The following TRANK1 variants were observed in gnomAD, a reference collection of about 807,000 sequenced individuals.
The protein encoded by TRANK1 is TPR and ankyrin repeat-containing protein 1.
TRANK1 carries 198 observed loss-of-function variants against 266.0 expected under a neutral mutation model. The ratio of observed to expected loss-of-function variants is 0.74; its 90% CI spans 0.66 to 0.84. TRANK1 has a LOEUF of 0.84. Among genes scored for constraint, TRANK1 ranks in the 40% least tolerant of loss-of-function variants. The pLI is 0.00. For synonymous variants in TRANK1, 1,396 were observed against 1,384.1 expected, an observed-to-expected ratio of 1.01 and a Z score of -0.19; for missense variants, 3,326 against 3,634.6, an observed-to-expected ratio of 0.92 and a Z score of 2.18.
rs373650699 is a variant in TRANK1, at chr3:36,830,894, T to C, written c.8689A>G (p.Arg2897Gly). Residue 2897 changes from arginine to glycine, a missense_variant, in exon 22 of 24, where the codon AGG becomes GGG. Arg to Gly is a moderately radical substitution (Grantham distance 125). Transcript: ENST00000645898. ...TTACCGCCAGCCCAGGCCTTCCGCC[T>C]GTAGAGGTCCTCCACCATATCCGAA... ...RVSDMVEDLYRRKAWAGAEEA... is the reference protein window; with the variant it reads ...RVSDMVEDLYGRKAWAGAEEA... 7 of 1,609,616 alleles carry C rather than the reference T, an allele frequency of 4.3e-6. No individual in the cohort carries two copies. The highest frequency in any genetic ancestry group is 4.0e-5 in the African/African-American group (3 of 74,842).
chr3:36,938,918 C>T (rs1279303396), intron 1 of TRANK1, among the ~76,000 whole-genome samples: 1 of 151,832 alleles, frequency 6.6e-6, no homozygotes, highest in African/African-American at 2.4e-5. Context: ...CTAGATCGTG[C>T]CACCAAACTC....
intron 1 of TRANK1, among the ~76,000 whole-genome samples, chr3:36,943,197 G>T (rs541576836): frequency 5.3e-5 from 8 of 151,834 alleles, no homozygotes; most frequent in Admixed American, 2.6e-4. Context: ...CTCTGGTGGG[G>T]GGTGGGGGGA....
At chr3:36,886,129 G>GTTTTTTT (rs10563870) in intron 8 of TRANK1, among the ~76,000 whole-genome samples, 14 of 100,962 alleles carry the variant, frequency 1.4e-4, no homozygotes, top group Non-Finnish European at 2.6e-4. Flanking sequence ...TGTTGTTGTT[G>GTTTTTTT]TTTTTTTTTT....
chr3:36,935,081 AG>A (rs1387425523), intron 1 of TRANK1, among the ~76,000 whole-genome samples: 5 of 152,194 alleles, frequency 3.3e-5, no homozygotes. Context: ...AAGATCACCC[AG>A]GCCCCCAACC....
rs147343324 is a variant in TRANK1 at position 36,862,884 on chromosome 3, G to A, written c.1240+1435C>T. 2.1e-4 allele frequency among the ~76,000 whole-genome samples: 32 copies of A among 152,152 alleles called. No homozygotes were observed. The East Asian group carries it at 5.6e-3, about 27-fold the overall frequency. On this transcript the variant is annotated intron_variant, in intron 10 of 23. Transcript: ENST00000645898. ...GCCAGCTGTACTTGAAGCCAGCCTG[G>A]CACTTTTATTAGGAGAGTCAAAAAA...
At chr3:36,885,574 T>C (rs992954810) in intron 8 of TRANK1, among the ~76,000 whole-genome samples, 2 of 152,232 alleles carry the variant, frequency 1.3e-5, no homozygotes, top group African/African-American at 2.4e-5. Context: ...CTCAGTCAAC[T>C]GACTGGGCTG....
At chr3:36,922,118 C>A (rs1000999704) in intron 1 of TRANK1, among the ~76,000 whole-genome samples, 1 of 151,976 alleles carries the variant, frequency 6.6e-6, no homozygotes. Context: ...TGCACTCCAG[C>A]CTGGGTGACA....
At chr3:36,938,879 G>A (rs1257781497) in intron 1 of TRANK1, among the ~76,000 whole-genome samples, 2 of 151,958 alleles carry the variant, frequency 1.3e-5, no homozygotes, top group Non-Finnish European at 2.9e-5. Context: ...AGAATCACTT[G>A]AGCCCAGGAG....
chr3:36,829,765 A>G (rs2078670965), intron 22 of TRANK1, 103 bp from the exon 23 acceptor site: 3 of 1,250,578 alleles, frequency 2.4e-6, no homozygotes, highest in Non-Finnish European at 3.4e-6. Flanking sequence ...GCTGGTCTCT[A>G]TGTTTTCCCT....
Position 36,858,811 on chromosome 3 carries a change from G to T in TRANK1, c.1579C>A (p.Leu527Ile), listed in dbSNP as rs2079094418. The T allele has an allele frequency of 1.3e-6, 2 of 1,537,168 alleles. No homozygotes were observed. The highest frequency in any genetic ancestry group is 8.7e-7 in the Non-Finnish European group (1 of 1,146,910). ...KHEDFELAFL[L>I]LTKGADPRAI... is the part of the protein sequence containing the mutation. Reference sequence around the variant, plus strand: ...CGGGGGTCTGCGCCCTTGGTCAAGAGAAGGAAAGCCAACTCGAAGTCCTCA... The same window carrying T: ...CGGGGGTCTGCGCCCTTGGTCAAGATAAGGAAAGCCAACTCGAAGTCCTCA... The change falls in exon 12 of 24, where the codon CTC becomes ATC. Residue 527 changes from leucine to isoleucine, a missense_variant. By Grantham distance (5) the Leu-to-Ile change is conservative (BLOSUM62 2). Coordinates refer to ENST00000645898, the MANE Select transcript of TRANK1 (RefSeq NM_001329998.2).
chr3:36,842,454 A>G (rs1333977498), intron 18 of TRANK1, among the ~76,000 whole-genome samples, 168 bp downstream of exon 18: 1 of 152,246 alleles, frequency 6.6e-6, no homozygotes, highest in Admixed American at 6.5e-5. Flanking sequence ...GAAAAGGAGC[A>G]GGACAGGAAG....
intron 8 of TRANK1, among the ~76,000 whole-genome samples, chr3:36,879,813 T>C (rs1317761532): frequency 9.7e-6 from 1 of 102,780 alleles, no homozygotes; most frequent in Non-Finnish European, 1.8e-5. Context: ...CAAATATATG[T>C]AAATATACAA....
chr3:36,944,643 G>A, intron 1 of TRANK1, 144 bp downstream of exon 1: 1 of 963,794 alleles, frequency 1.0e-6, no homozygotes, highest in Non-Finnish European at 1.5e-6. Context: ...CTAGATGGCT[G>A]TGGGCCCCAC....
chr3:36,894,824 G>C (rs1043241181), intron 5 of TRANK1, among the ~76,000 whole-genome samples: 1 of 152,160 alleles, frequency 6.6e-6, no homozygotes, highest in Non-Finnish European at 1.5e-5. Context: ...GAAAGCCCAG[G>C]AGGGCTGTTC....
intron 1 of TRANK1, among the ~76,000 whole-genome samples, chr3:36,913,345 C>T (rs1341066746): frequency 2.6e-5 from 4 of 151,760 alleles, no homozygotes; most frequent in African/African-American, 9.7e-5. Context: ...CCACCATGAC[C>T]GTCCTTTTCC....
intron 1 of TRANK1, among the ~76,000 whole-genome samples, chr3:36,925,133 C>A (rs767762875): frequency 6.6e-6 from 1 of 152,146 alleles, no homozygotes; most frequent in Non-Finnish European, 1.5e-5. Flanking sequence ...AAAGTTTAAC[C>A]TTTTCCTCTC....
In TRANK1 at chr3:36,830,868, C is replaced by A. The variant is rs376535302; in HGVS notation, c.8710+5G>T. 6.3e-7 allele frequency: 1 copy of A among 1,593,946 alleles called. No homozygotes were observed. Among genetic ancestry groups the A allele is most frequent in the African/African-American group, 1.3e-5 (1 of 74,754 alleles). ...GCCTGGGCCCCCATCTCTGCAGACC[C>A]TTACCGCCAGCCCAGGCCTTCCGCC... On this transcript the variant is annotated splice_donor_5th_base_variant and intron_variant, in intron 22 of 23. Transcript: ENST00000645898.
chr3:36,899,891 C>T (rs551615533), intron 3 of TRANK1, among the ~76,000 whole-genome samples: 5 of 152,278 alleles, frequency 3.3e-5, no homozygotes, highest in Admixed American at 2.0e-4. Context: ...CAGGATCTTG[C>T]CCTATCACCC....
At chr3:36,884,566 A>G (rs1013551787) in intron 8 of TRANK1, among the ~76,000 whole-genome samples, 2 of 152,232 alleles carry the variant, frequency 1.3e-5, no homozygotes, top group East Asian at 1.9e-4. Context: ...TAAAATAAAC[A>G]TCCGAGTCCA....
Sources: gnomAD v4.1 joint callset for allele counts (sites outside exome capture counted in the v4.1 genomes callset) on GRCh38, gnomAD v4.1.1 for gene constraint, MANE v1.5 for transcripts, NCBI Gene and HGNC (gene_info 2026-07-23, HGNC 2026-07-21) for gene names.